Variants in ST6GALNAC3 observed in about 807,000 individuals in gnomAD.
ST6GALNAC3 encodes alpha-N-acetylgalactosaminide alpha-2,6-sialyltransferase 3.
A neutral mutation model predicts 32.7 loss-of-function variants in ST6GALNAC3; 25 were observed. The ratio of observed to expected loss-of-function variants is 0.76; its 90% CI spans 0.56 to 1.07. The LOEUF is 1.07. Ranked by LOEUF, ST6GALNAC3 falls within the 50% of genes least tolerant of loss-of-function variation. ST6GALNAC3 has a pLI of 0.00. For synonymous variants in ST6GALNAC3, 129 were observed against 133.1 expected (o/e 0.97, Z 0.21); for missense variants, 355 against 382.4 (o/e 0.93, Z 0.60).
intron 3 of ST6GALNAC3, among the ~76,000 whole-genome samples, chr1:76,546,465 G>T (rs547274588): frequency 6.6e-6 from 1 of 152,148 alleles, no homozygotes; most frequent in Non-Finnish European, 1.5e-5. Flanking sequence ...GGAAGAAGCT[G>T]CTCCTTTTTA....
chr1:76,289,621 G>A (rs913790464), intron 1 of ST6GALNAC3, among the ~76,000 whole-genome samples: 1 of 152,218 alleles, frequency 6.6e-6, no homozygotes, highest in East Asian at 1.9e-4. Flanking sequence ...GAGGAAAAAA[G>A]TGGTCCAGAA....
chr1:76,198,251 G>C (rs1317118926), intron 1 of ST6GALNAC3, among the ~76,000 whole-genome samples: 1 of 152,124 alleles, frequency 6.6e-6, no homozygotes, highest in East Asian at 1.9e-4. Flanking sequence ...TCCCAGGCTG[G>C]TCTCAAACGC....
chr1:76,619,461 A>G (rs1648499786), intron 3 of ST6GALNAC3, among the ~76,000 whole-genome samples: 1 of 152,096 alleles, frequency 6.6e-6, no homozygotes, highest in Non-Finnish European at 1.5e-5. Flanking sequence ...ATCCTTTATC[A>G]TCATACATTT....
At chr1:76,542,397 G>C (rs1664043183) in intron 3 of ST6GALNAC3, among the ~76,000 whole-genome samples, 1 of 152,128 alleles carries the variant, frequency 6.6e-6, no homozygotes, top group Non-Finnish European at 1.5e-5. Context: ...CTAGTATATA[G>C]TAAGGGCTCA....
chr1:76,625,690 T>C (rs1498372), intron 3 of ST6GALNAC3, among the ~76,000 whole-genome samples: 17,916 of 151,892 alleles, frequency 0.12, 1,447 homozygotes, highest in Admixed American at 0.23. Context: ...GAATGCAGGA[T>C]TGACTGCAGG....
chr1:76,448,385 A>C (rs566355482), intron 3 of ST6GALNAC3, among the ~76,000 whole-genome samples: 14 of 152,180 alleles, frequency 9.2e-5, no homozygotes, highest in Non-Finnish European at 1.6e-4. Context: ...CTCACATGAG[A>C]CGTTGGTCTA....
At chr1:76,570,589 A>T (rs1427841000) in intron 3 of ST6GALNAC3, among the ~76,000 whole-genome samples, 1 of 152,082 alleles carries the variant, frequency 6.6e-6, no homozygotes, top group Non-Finnish European at 1.5e-5. Context: ...TTCTAACTCA[A>T]ACAGTTGATT....
intron 3 of ST6GALNAC3, among the ~76,000 whole-genome samples, chr1:76,536,902 C>G (rs924922662): frequency 1.3e-5 from 2 of 152,136 alleles, no homozygotes; most frequent in Non-Finnish European, 2.9e-5. Flanking sequence ...GACTTTTACA[C>G]CCCACTGTCA....
intron 1 of ST6GALNAC3, among the ~76,000 whole-genome samples, chr1:76,132,820 G>T (rs145028908): frequency 6.6e-6 from 1 of 152,296 alleles, no homozygotes; most frequent in East Asian, 1.9e-4. Flanking sequence ...GGCCTCTAGG[G>T]CTGTACAAGA....
chr1:76,410,773 T>A (rs1654179368), intron 2 of ST6GALNAC3, among the ~76,000 whole-genome samples: 1 of 152,164 alleles, frequency 6.6e-6, no homozygotes, highest in Admixed American at 6.6e-5. Flanking sequence ...CTCAGTGTAG[T>A]TATTTTAATT....
At chr1:76,198,733 A>G (rs1044944494) in intron 1 of ST6GALNAC3, among the ~76,000 whole-genome samples, 2 of 152,162 alleles carry the variant, frequency 1.3e-5, no homozygotes, top group African/African-American at 2.4e-5. Context: ...GAAAGTCAGG[A>G]GAGGATTGCT....
intron 3 of ST6GALNAC3, among the ~76,000 whole-genome samples, chr1:76,476,103 T>C (rs1659339158): frequency 6.6e-6 from 1 of 152,176 alleles, no homozygotes; most frequent in African/African-American, 2.4e-5. Flanking sequence ...CTATCATTGA[T>C]GGGCATTTGG....
chr1:76,395,542 G>A (rs1302601678), intron 2 of ST6GALNAC3, among the ~76,000 whole-genome samples: 1 of 151,994 alleles, frequency 6.6e-6, no homozygotes, highest in Non-Finnish European at 1.5e-5. Context: ...TTCAATCTAA[G>A]TGTCATCAGT....
intron 3 of ST6GALNAC3, among the ~76,000 whole-genome samples, chr1:76,558,444 A>G (rs963324859): frequency 1.3e-5 from 2 of 152,212 alleles, no homozygotes; most frequent in Non-Finnish European, 2.9e-5. Context: ...TTGCAGCAAC[A>G]TGGATGCAGC....
At chr1:76,081,628 A>G (rs1445573425) in intron 1 of ST6GALNAC3, among the ~76,000 whole-genome samples, 1 of 152,138 alleles carries the variant, frequency 6.6e-6, no homozygotes, top group Non-Finnish European at 1.5e-5. Flanking sequence ...CTGAGGAGAT[A>G]AGAAGGCTTT....
chr1:76,437,238 C>T (rs921422826), intron 3 of ST6GALNAC3, among the ~76,000 whole-genome samples: 1 of 152,030 alleles, frequency 6.6e-6, no homozygotes, highest in African/African-American at 2.4e-5. Context: ...AAAGCAAAGC[C>T]CCATCTAACA....
At chr1:76,605,030 A>G (rs1647430568) in intron 3 of ST6GALNAC3, among the ~76,000 whole-genome samples, 2 of 152,150 alleles carry the variant, frequency 1.3e-5, no homozygotes, top group Admixed American at 1.3e-4. Context: ...GCATCTAATC[A>G]TGTTATTTCT....
chr1:76,519,786 A>G (rs1278936335), intron 3 of ST6GALNAC3, among the ~76,000 whole-genome samples: 1 of 151,504 alleles, frequency 6.6e-6, no homozygotes, highest in Admixed American at 6.6e-5. Flanking sequence ...GTTTATGGTA[A>G]TTGTGCTTTT....
chr1:76,159,799 C>T (rs181882546), intron 1 of ST6GALNAC3, among the ~76,000 whole-genome samples: 45 of 152,270 alleles, frequency 3.0e-4, no homozygotes, highest in Admixed American at 5.2e-4. Flanking sequence ...CTACACATGC[C>T]ATAAACTGTG....
Sources: allele counts gnomAD v4.1 joint callset (sites outside exome capture counted in the v4.1 genomes callset), GRCh38; gene constraint gnomAD v4.1.1; transcripts MANE v1.5; gene names NCBI Gene and HGNC (gene_info 2026-07-23, HGNC 2026-07-21).